The following QKI variants were observed in gnomAD, a reference collection of about 807,000 sequenced individuals.
QKI encodes the protein KH domain-containing RNA-binding protein QKI.
Under a neutral mutation model 39.0 loss-of-function variants are expected in QKI, and 10 were observed. That is an observed-to-expected ratio of 0.26 (90% CI 0.16 to 0.43). The LOEUF (loss-of-function observed/expected upper bound fraction) is 0.43, where lower values mean the gene tolerates loss of function less well. Among genes scored for constraint, QKI ranks in the 20% least tolerant of loss-of-function variants. QKI has a pLI of 1.00. For synonymous variants in QKI, 204 were observed against 155.4 expected (o/e 1.31, Z -2.33); for missense variants, 218 against 428.0 (o/e 0.51, Z 4.33).
intron 3 of QKI, among the ~76,000 whole-genome samples, chr6:163,482,531 G>A (rs959764801): frequency 6.6e-6 from 1 of 152,172 alleles, no homozygotes; most frequent in African/African-American, 2.4e-5. Context: ...GTGGTGACCT[G>A]TGCTTTTGAC....
At chr6:163,483,449 CT>C (rs1349009134) in intron 3 of QKI, among the ~76,000 whole-genome samples, 1 of 152,174 alleles carries the variant, frequency 6.6e-6, no homozygotes, top group Non-Finnish European at 1.5e-5. Context: ...ACCCACAGAA[CT>C]TTTGCTGTTG....
chr6:163,530,320 G>T (rs572730251), intron 3 of QKI, among the ~76,000 whole-genome samples: 1 of 152,118 alleles, frequency 6.6e-6, no homozygotes, highest in Non-Finnish European at 1.5e-5. Context: ...TTGTCCTGAT[G>T]TATTTAAGTG....
chr6:163,513,020 A>C (rs1779578236), intron 3 of QKI, among the ~76,000 whole-genome samples: 1 of 152,188 alleles, frequency 6.6e-6, no homozygotes, highest in Non-Finnish European at 1.5e-5. Context: ...AGATGCTTCG[A>C]GAGATCACAT....
chr6:163,447,728 T>TA (rs1273168725), intron 1 of QKI, among the ~76,000 whole-genome samples: 1 of 152,202 alleles, frequency 6.6e-6, no homozygotes, highest in Non-Finnish European at 1.5e-5. Context: ...TTGAGTCATG[T>TA]AAAAAATAAC....
chr6:163,516,588 C>T (rs1186233141), intron 3 of QKI, among the ~76,000 whole-genome samples: 1 of 152,200 alleles, frequency 6.6e-6, no homozygotes, highest in African/African-American at 2.4e-5. Flanking sequence ...CCATTGCGCC[C>T]AGCCTAAAAC....
chr6:163,453,092 T>C (rs1463270748), intron 1 of QKI, among the ~76,000 whole-genome samples: 1 of 151,916 alleles, frequency 6.6e-6, no homozygotes, highest in Non-Finnish European at 1.5e-5. Flanking sequence ...AATAGATTCT[T>C]TTGTTTTTTT....
intron 3 of QKI, among the ~76,000 whole-genome samples, chr6:163,484,197 G>A (rs1762011759): frequency 6.7e-6 from 1 of 149,654 alleles, no homozygotes; most frequent in Non-Finnish European, 1.5e-5. Context: ...GGGTACATTA[G>A]CCTTTTTTTT....
At chr6:163,508,768 A>G (rs1266392612) in intron 3 of QKI, among the ~76,000 whole-genome samples, 2 of 149,644 alleles carry the variant, frequency 1.3e-5, no homozygotes, top group Non-Finnish European at 1.5e-5. Flanking sequence ...ACCTCAGGTG[A>G]TACACCCACG....
intron 1 of QKI, among the ~76,000 whole-genome samples, chr6:163,416,920 A>AGTC (rs1382493012): frequency 6.6e-6 from 1 of 150,972 alleles, no homozygotes; most frequent in Non-Finnish European, 1.5e-5. Flanking sequence ...AATGTCAAAA[A>AGTC]AAAAAAAAAA....
chr6:163,564,532 TTAAA>T (rs1165736863), intron 6 of QKI: 129 of 1,520,112 alleles, frequency 8.5e-5, no homozygotes, highest in Middle Eastern at 3.9e-4. Context: ...TATGGAATAG[TTAAA>T]TAAATAGCAA....
chr6:163,540,142 TAGAA>T (rs1781426115), intron 4 of QKI, among the ~76,000 whole-genome samples: 1 of 152,074 alleles, frequency 6.6e-6, no homozygotes, highest in South Asian at 2.1e-4. Flanking sequence ...AGTTCTTTTT[TAGAA>T]AGACAAAGAG....
chr6:163,517,563 G>T (rs1211593602), intron 3 of QKI, among the ~76,000 whole-genome samples: 1 of 152,064 alleles, frequency 6.6e-6, no homozygotes, highest in Non-Finnish European at 1.5e-5. Context: ...GATTATAGGC[G>T]AGCACCACCA....
At chr6:163,442,492 G>T (rs1789834671) in intron 1 of QKI, among the ~76,000 whole-genome samples, 1 of 152,166 alleles carries the variant, frequency 6.6e-6, no homozygotes, top group Non-Finnish European at 1.5e-5. Flanking sequence ...ATAAAGAATA[G>T]ACTGACCAAG....
At chr6:163,507,919 A>G (rs1210455723) in intron 3 of QKI, among the ~76,000 whole-genome samples, 1 of 152,200 alleles carries the variant, frequency 6.6e-6, no homozygotes, top group Non-Finnish European at 1.5e-5. Flanking sequence ...AATAGCTGTT[A>G]ACTAGTCTCA....
intron 3 of QKI, among the ~76,000 whole-genome samples, chr6:163,499,710 C>T (rs930569999): frequency 1.3e-5 from 2 of 152,046 alleles, no homozygotes; most frequent in Non-Finnish European, 1.5e-5. Flanking sequence ...TCTACCCACC[C>T]GCCACCCCCT....
At chr6:163,546,014 A>AATATATAATTATATATTTTATATAATT (rs1462713099) in intron 4 of QKI, among the ~76,000 whole-genome samples, 1 of 148,060 alleles carries the variant, frequency 6.8e-6, no homozygotes, top group Non-Finnish European at 1.5e-5. Context: ...AATTGGTATA[A>AATATATAATTATATATTTTATATAATT]ATATATAATT....
intron 3 of QKI, among the ~76,000 whole-genome samples, chr6:163,504,833 C>G (rs1289728162): frequency 6.6e-6 from 1 of 152,054 alleles, no homozygotes; most frequent in Non-Finnish European, 1.5e-5. Flanking sequence ...GATGCTTTTT[C>G]TTTCTTTCTT....
At chr6:163,561,224 G>A (rs1782978134) in intron 4 of QKI, among the ~76,000 whole-genome samples, 1 of 152,128 alleles carries the variant, frequency 6.6e-6, no homozygotes, top group Non-Finnish European at 1.5e-5. Context: ...AATCTTGTAT[G>A]TTTAAAATTA....
intron 2 of QKI, among the ~76,000 whole-genome samples, chr6:163,463,403 A>T (rs1791485331): frequency 6.6e-6 from 1 of 152,168 alleles, no homozygotes; most frequent in Non-Finnish European, 1.5e-5. Flanking sequence ...CCCAGCCCAG[A>T]AGTTGGCTCA....
Sources: gnomAD v4.1 joint callset for allele counts (sites outside exome capture counted in the v4.1 genomes callset) on GRCh38, gnomAD v4.1.1 for gene constraint, MANE v1.5 for transcripts, NCBI Gene and HGNC (gene_info 2026-07-23, HGNC 2026-07-21) for gene names.